The following PTPRO variants were observed in gnomAD, a reference collection of about 807,000 sequenced individuals.
PTPRO encodes receptor-type tyrosine-protein phosphatase O.
Under a neutral mutation model 145.2 loss-of-function variants are expected in PTPRO, and 62 were observed. The ratio of observed to expected loss-of-function variants is 0.43; its 90% confidence interval spans 0.35 to 0.53. The LOEUF is 0.53. Ranked by LOEUF, PTPRO falls within the 20% of genes least tolerant of loss-of-function variation. The probability of loss-of-function intolerance (pLI) is 0.01; values close to 1 mark genes in which losing one functional copy is unlikely to be tolerated. For synonymous variants in PTPRO, 565 were observed against 514.7 expected, an observed-to-expected ratio of 1.10 and a Z score of -1.32; for missense variants, 1,345 against 1,482.7, an observed-to-expected ratio of 0.91 and a Z score of 1.53.
At chr12:15,580,402 G>T (rs1299037721) in intron 21 of PTPRO, among the ~76,000 whole-genome samples, 2 of 152,192 alleles carry the variant, frequency 1.3e-5, no homozygotes, top group African/African-American at 4.8e-5. Flanking sequence ...AATTCAAAGG[G>T]TTCCACCCTA....
chr12:15,393,123 T>C (rs962238085), intron 1 of PTPRO, among the ~76,000 whole-genome samples: 3 of 152,218 alleles, frequency 2.0e-5, no homozygotes, highest in Non-Finnish European at 4.4e-5. Flanking sequence ...GAACTCCCTA[T>C]TGTTATCTTT....
chr12:15,330,075 C>T (rs1866563278), intron 1 of PTPRO, among the ~76,000 whole-genome samples: 1 of 152,192 alleles, frequency 6.6e-6, no homozygotes, highest in Non-Finnish European at 1.5e-5. Flanking sequence ...TCTCTGTATT[C>T]TCTAGGGGAA....
chr12:15,543,992 A>T (rs1427612157), intron 12 of PTPRO, among the ~76,000 whole-genome samples: 1 of 152,192 alleles, frequency 6.6e-6, no homozygotes, highest in Non-Finnish European at 1.5e-5. Context: ...TTTAAGCAGG[A>T]TCTTAAAGAC....
intron 10 of PTPRO, among the ~76,000 whole-genome samples, chr12:15,521,938 T>C (rs1942729771): frequency 6.6e-6 from 1 of 152,214 alleles, no homozygotes; most frequent in South Asian, 2.1e-4. Context: ...ACAAGCTACT[T>C]ACCTGGTAAG....
chr12:15,383,221 T>C (rs1671419061), intron 1 of PTPRO, among the ~76,000 whole-genome samples: 1 of 152,230 alleles, frequency 6.6e-6, no homozygotes, highest in Admixed American at 6.5e-5. Flanking sequence ...CACATAGTAA[T>C]TGTTTATCTG....
chr12:15,439,478 C>A, intron 1 of PTPRO: 1 of 212,642 alleles, frequency 4.7e-6, no homozygotes, highest in Non-Finnish European at 9.5e-6. Flanking sequence ...CACAGAGCTG[C>A]AAGGTTGATA....
chr12:15,339,373 C>T (rs186215318), intron 1 of PTPRO, among the ~76,000 whole-genome samples: 1 of 152,234 alleles, frequency 6.6e-6, no homozygotes, highest in Admixed American at 6.5e-5. Context: ...TTTGCCCAGC[C>T]ATGAACTTCT....
chr12:15,417,099 T>C (rs1940001489), intron 1 of PTPRO, among the ~76,000 whole-genome samples: 1 of 151,680 alleles, frequency 6.6e-6, no homozygotes, highest in South Asian at 2.1e-4. Flanking sequence ...CTAGGAATGA[T>C]CCTCTCCTTT....
At chr12:15,361,455 A>AAG (rs1938208415) in intron 1 of PTPRO, among the ~76,000 whole-genome samples, 1 of 151,308 alleles carries the variant, frequency 6.6e-6, no homozygotes, top group Non-Finnish European at 1.5e-5. Context: ...AAAAAAAAAA[A>AAG]AAAGAAAGAA....
chr12:15,560,131 T>C (rs1317919050), intron 16 of PTPRO, 62 bp from the exon 17 acceptor site: 1 of 1,202,012 alleles, frequency 8.3e-7, no homozygotes. Flanking sequence ...CTATTCACAG[T>C]TTATATTACT....
chr12:15,443,005 C>T (rs963864262), intron 1 of PTPRO, among the ~76,000 whole-genome samples: 6 of 152,000 alleles, frequency 3.9e-5, no homozygotes, highest in Non-Finnish European at 8.8e-5. Context: ...AAAAAGAGCC[C>T]AAATAGTCTA....
intron 1 of PTPRO, among the ~76,000 whole-genome samples, chr12:15,443,936 C>T (rs1441716245): frequency 6.6e-6 from 1 of 150,452 alleles, no homozygotes; most frequent in Non-Finnish European, 1.5e-5. Flanking sequence ...TGAGATTTCT[C>T]AAAGAAGTTA....
intron 1 of PTPRO, among the ~76,000 whole-genome samples, chr12:15,336,223 G>T (rs762658721): frequency 6.9e-6 from 1 of 145,300 alleles, no homozygotes. Flanking sequence ...GCATTTGAGT[G>T]TGTATGTTAA....
At chr12:15,489,435 A>G (rs1340743187) in intron 2 of PTPRO, among the ~76,000 whole-genome samples, 3 of 152,140 alleles carry the variant, frequency 2.0e-5, no homozygotes, top group African/African-American at 4.8e-5. Context: ...AAGGGGGTGG[A>G]TTATTCATGA....
At chr12:15,552,003 C>T (rs932416427) in intron 15 of PTPRO, among the ~76,000 whole-genome samples, 2 of 133,968 alleles carry the variant, frequency 1.5e-5, no homozygotes, top group African/African-American at 5.8e-5. Flanking sequence ...TATGACAGTT[C>T]AGTATAGTTA....
intron 1 of PTPRO, among the ~76,000 whole-genome samples, chr12:15,422,321 T>A (rs1042098860): frequency 6.6e-6 from 1 of 152,180 alleles, no homozygotes; most frequent in Non-Finnish European, 1.5e-5. Flanking sequence ...GAGGCAATTG[T>A]AAGAGCTTAC....
At chr12:15,476,103 G>C (rs1280347611) in intron 1 of PTPRO, among the ~76,000 whole-genome samples, 4 of 152,184 alleles carry the variant, frequency 2.6e-5, no homozygotes, top group Non-Finnish European at 4.4e-5. Flanking sequence ...AAGAAGTATT[G>C]CTGGAGACCT....
chr12:15,536,489 A>G (rs1382002773), intron 12 of PTPRO, among the ~76,000 whole-genome samples: 1 of 152,212 alleles, frequency 6.6e-6, no homozygotes, highest in African/African-American at 2.4e-5. Flanking sequence ...CTGCAATGGA[A>G]CAAACAAGGT....
chr12:15,530,889 A>C (rs957597023), intron 12 of PTPRO, among the ~76,000 whole-genome samples: 1 of 152,140 alleles, frequency 6.6e-6, no homozygotes, highest in Admixed American at 6.6e-5. Context: ...AGCAGAAATA[A>C]ATGAAATTGA....
Sources: gnomAD v4.1 joint callset for allele counts (sites outside exome capture counted in the v4.1 genomes callset) on GRCh38, gnomAD v4.1.1 for gene constraint, MANE v1.5 for transcripts, NCBI Gene and HGNC (gene_info 2026-07-23, HGNC 2026-07-21) for gene names.